Variants in TPT1 observed in about 807,000 individuals in gnomAD.
TPT1 encodes the protein translationally-controlled tumor protein.
Under a neutral mutation model 22.8 loss-of-function variants are expected in TPT1, and 5 were observed. The observed-to-expected ratio is 0.22, with a 90% CI of 0.11 to 0.46. TPT1 has a LOEUF of 0.46. Ranked by LOEUF, TPT1 falls within the 20% of genes least tolerant of loss-of-function variation. The probability of loss-of-function intolerance (pLI) is 0.99; values close to 1 mark genes in which losing one functional copy is unlikely to be tolerated. For missense variants in TPT1, 130 were observed against 218.7 expected (o/e 0.59, Z 2.56); for synonymous variants, 89 against 73.6 (o/e 1.21, Z -1.07).
rs1878724948 is a variant in TPT1, at chr13:45,336,699, T to C, written c.*687A>G. The C allele has an allele frequency of 6.6e-6, 1 of 152,304 alleles. No individual in the cohort carries two copies. The highest frequency in any genetic ancestry group is 1.5e-5 in the Non-Finnish European group (1 of 68,108). The allele number at this position is 152,304 out of a possible 1,614,324, so 9.4% of individuals were successfully genotyped here. On this transcript the variant is annotated 3_prime_UTR_variant, in exon 6 of 6. Transcript: ENST00000530705. ...CTTAAATTCCATATCCCACAAGGTA[T>C]TCTTTTCCCCTCAACCATTTAAAAA...
chr13:45,339,407 C>G lies in TPT1; in HGVS notation c.399+90G>C, dbSNP rs1366664556. 8.9e-6 allele frequency: 10 copies of G among 1,124,740 alleles called. No individual in the cohort carries two copies. In the Admixed American group the frequency reaches 1.6e-4, roughly 18 times the overall value. The allele number at this position is 1,124,740 out of a possible 1,614,324, so 69.7% of individuals were successfully genotyped here. On this transcript the variant is annotated intron_variant, in intron 4 of 5. Coordinates refer to ENST00000530705, the MANE Select transcript of TPT1 (RefSeq NM_003295.4). ...AAAGCCACTTTCTACACCTGGAATA[C>G]TAGTATAGAATTGAAGATTAATCAA...
chr13:45,337,595 T>A, intron 5 of TPT1: 1 of 1,596,002 alleles, frequency 6.3e-7, no homozygotes, highest in Non-Finnish European at 8.5e-7. Context: ...GTTCAAGGTC[T>A]ATCAGTGGAT....
In TPT1 at chr13:45,341,150, G is replaced by C. The variant is rs1012449848; in HGVS notation, c.-81C>G. On this transcript the variant is annotated 5_prime_UTR_variant, in exon 1 of 6. Transcript: ENST00000530705. ...GGAGCGAGCGCGGTGCAGCCGGAGC[G>C]GCGCTCGGGGGGAGGGGGGAGCGGG... The C allele has an allele frequency of 4.4e-6, 7 of 1,574,896 alleles. No homozygotes were observed. The East Asian group carries it at 7.0e-5, about 16-fold the overall frequency.
intron 2 of TPT1, 42 bp from the exon 3 acceptor site, chr13:45,340,226 G>A (rs758699923): frequency 1.1e-5 from 18 of 1,578,068 alleles, no homozygotes; most frequent in Non-Finnish European, 1.3e-5. Context: ...AGACACAAAC[G>A]CATCCAAAGC....
At position 45,340,121 on chromosome 13, in the gene TPT1, C is replaced by T. The variant is rs1319419194; in HGVS notation, c.166G>A (p.Gly56Ser). The T allele has an allele frequency of 6.2e-7, 1 of 1,614,178 alleles. No individual in the cohort carries two copies. The highest frequency in any genetic ancestry group is 1.1e-5 in the South Asian group (1 of 91,080). Residue 56 changes from glycine (G) to serine (S), a missense_variant, in exon 3 of 6, where the codon GGC becomes AGC. By Grantham distance (56) the Gly-to-Ser change is moderately conservative (BLOSUM62 0). Coordinates refer to ENST00000530705, the MANE Select transcript of TPT1 (RefSeq NM_003295.4). ...CTTTCGGTACCTTCGCCCTCGGGGC[C>T]TTCAGCGGAGGCATTTCCACCAATG... Reference protein sequence around the residue: ...SLIGGNASAEGPEGEGTESTV... With the variant: ...SLIGGNASAESPEGEGTESTV...
rs890403673 is a variant in TPT1 at position 45,340,802 on chromosome 13, G to A, written c.29-17C>T. ...TCTCATCGTCTGCCGGATACACAGA[G>A]CCGCCCATCACCGTGCGCCTGGCGC... On this transcript the variant is annotated splice_polypyrimidine_tract_variant and intron_variant, in intron 1 of 5. Coordinates refer to ENST00000530705, the MANE Select transcript of TPT1 (RefSeq NM_003295.4). The A allele has an allele frequency of 4.0e-6, 6 of 1,513,576 alleles. No individual in the cohort carries two copies. The highest frequency in any genetic ancestry group is 2.8e-5 in the African/African-American group (2 of 71,476). 93.8% of individuals were successfully genotyped at this position (1,513,576 alleles called of 1,614,324 possible).
Position 45,340,129 on chromosome 13 carries a change from G to A in TPT1, c.158C>T (p.Ser53Phe). The A allele has an allele frequency of 6.2e-7, 1 of 1,614,140 alleles. No individual in the cohort carries two copies. The highest frequency in any genetic ancestry group is 8.5e-7 in the Non-Finnish European group (1 of 1,179,996). ...ACCTTCGCCCTCGGGGCCTTCAGCG[G>A]AGGCATTTCCACCAATGAGCGAGTC... is the stretch of plus-strand genomic sequence containing the variant. Reference protein sequence around the residue: ...IDDSLIGGNASAEGPEGEGTE... With the variant: ...IDDSLIGGNAFAEGPEGEGTE... Residue 53 changes from serine (S) to phenylalanine (F), a missense_variant, in exon 3 of 6, where the codon TCC becomes TTC. Coordinates refer to ENST00000530705, the MANE Select transcript of TPT1 (RefSeq NM_003295.4).
rs540202893 is a variant in TPT1, at chr13:45,340,883, A to C, written c.29-98T>G. On this transcript the variant is annotated intron_variant, in intron 1 of 5. Transcript: ENST00000530705. Reference sequence around the variant, plus strand: ...CCGCACGCGGGATCTGCCCCTCCGTAGCACACCAGAGCTGGGCGCGAGCCC... The same window carrying C: ...CCGCACGCGGGATCTGCCCCTCCGTCGCACACCAGAGCTGGGCGCGAGCCC... 2.0e-5 allele frequency: 29 copies of C among 1,462,080 alleles called. No homozygotes were observed. The African/African-American group carries it at 2.2e-4, about 11-fold the overall frequency. The allele number at this position is 1,462,080 out of a possible 1,614,324, so 90.6% of individuals were successfully genotyped here. A position where few individuals can be genotyped will look rare whatever the true frequency, so the allele number is the denominator to read the frequency against.
Position 45,339,574 on chromosome 13 carries a change from GTC to G in TPT1, c.320_321del (p.Arg107ThrfsTer21). On this transcript the variant is annotated frameshift_variant, in exon 4 of 6. Coordinates refer to ENST00000530705, the MANE Select transcript of TPT1 (RefSeq NM_003295.4). LOFTEE classifies it high-confidence loss of function. ...GTCATAAAAGGTTTTACTCTTTCTG[GTC>G]TCTGTTCTTCAAGTTTCCCTTTGAT... ...KSIKGKLEEQ[R>X]PERVKPFMTG... is the part of the protein sequence containing the mutation. The G allele has an allele frequency of 6.2e-7, 1 of 1,613,268 alleles. No homozygotes were observed. Among genetic ancestry groups the G allele is most frequent in the Non-Finnish European group, 8.5e-7 (1 of 1,179,776 alleles).
chr13:45,340,035 T>C lies in TPT1; in HGVS notation c.252A>G (p.Thr84=), dbSNP rs755266569. 2.5e-6 allele frequency: 4 copies of C among 1,614,200 alleles called. No individual in the cohort carries two copies. Among genetic ancestry groups the C allele is most frequent in the Non-Finnish European group, 2.5e-6 (3 of 1,180,036 alleles). ...TGATGTACTTCTTGTAGGCTTCTTT[T>C]GTGAAACTTGTTTCCTGCAGGTGAT... is the stretch of plus-strand genomic sequence containing the variant. ...MNHHLQETSF[T]KEAYKKYIKD... Residue 84 remains threonine, a synonymous_variant, in exon 3 of 6, where the codon ACA becomes ACG. Transcript: ENST00000530705.
intron 5 of TPT1, chr13:45,338,285 A>C (rs907332826): frequency 5.0e-5 from 11 of 218,522 alleles, no homozygotes; most frequent in Non-Finnish European, 9.9e-5. Context: ...ATGCCTGGCT[A>C]ATTTTTGTAT....
intron 5 of TPT1, 192 bp from the exon 6 acceptor site, chr13:45,337,580 A>T: frequency 6.2e-7 from 1 of 1,605,762 alleles, no homozygotes; most frequent in East Asian, 2.2e-5. Flanking sequence ...GAACAACAGT[A>T]AATTGTTCAA....
chr13:45,340,925 C>T, intron 1 of TPT1, 117 bp downstream of exon 1: 6 of 1,523,014 alleles, frequency 3.9e-6, no homozygotes, highest in East Asian at 2.5e-5. Flanking sequence ...CCGACCCCTC[C>T]GCGCTCGGCT....
rs1878680957 is a variant in TPT1 at position 45,336,218 on chromosome 13, AGCACAGGAT to A, written c.*1159_*1167del. The A allele has an allele frequency of 1.3e-5, 2 of 152,362 alleles. No homozygotes were observed. The highest frequency in any genetic ancestry group is 2.1e-4 in the South Asian group (1 of 4,828). The allele number at this position is 152,362 out of a possible 1,614,324, so 9.4% of individuals were successfully genotyped here. ...GAGACTGAGGTGGGAAAATGGCTTGAGCACAGGATGCAGAGAATGCAGTGAGTTGCTTGT... is the reference window on the plus strand; with the variant it reads ...GAGACTGAGGTGGGAAAATGGCTTGAGCAGAGAATGCAGTGAGTTGCTTGT... On this transcript the variant is annotated 3_prime_UTR_variant, in exon 6 of 6. Coordinates refer to ENST00000530705, the MANE Select transcript of TPT1 (RefSeq NM_003295.4).
At chr13:45,337,508 G>A (rs771758941) in intron 5 of TPT1, 120 bp from the exon 6 acceptor site, 14 of 1,613,728 alleles carry the variant, frequency 8.7e-6, no homozygotes, top group Non-Finnish European at 1.1e-5. Flanking sequence ...AATCTGGGCC[G>A]CCACAAAGAC....
intron 5 of TPT1, 146 bp downstream of exon 5, chr13:45,338,512 AAC>A (rs1459131485): frequency 7.1e-7 from 1 of 1,414,912 alleles, no homozygotes; most frequent in South Asian, 1.6e-5. Context: ...TTACATATGA[AAC>A]ACAATTCTCT....
chr13:45,339,216 C>T (rs1195813179), intron 4 of TPT1: 6 of 367,204 alleles, frequency 1.6e-5, no homozygotes, highest in Non-Finnish European at 2.4e-5. Flanking sequence ...AGCTCAGATA[C>T]ATTAGAAGGA....
chr13:45,335,942 A>G lies in TPT1; in HGVS notation c.*1444T>C, dbSNP rs1301485709. On this transcript the variant is annotated 3_prime_UTR_variant, in exon 6 of 6. Coordinates refer to ENST00000530705, the MANE Select transcript of TPT1 (RefSeq NM_003295.4). Reference sequence around the variant, plus strand: ...CCACTACATTCACATGTTCAAGCAGACCAGAGTCACTGGCCTGCTTTTAAT... The same window carrying G: ...CCACTACATTCACATGTTCAAGCAGGCCAGAGTCACTGGCCTGCTTTTAAT... The G allele has an allele frequency of 6.6e-6, 1 of 152,190 alleles. No individual in the cohort carries two copies. The highest frequency in any genetic ancestry group is 6.5e-5 in the Admixed American group (1 of 15,280). 9.4% of individuals were successfully genotyped at this position (152,190 alleles called of 1,614,324 possible).
rs914700670 is a variant in TPT1, at chr13:45,336,755, A to G, written c.*631T>C. 4.6e-5 allele frequency: 7 copies of G among 152,702 alleles called. No homozygotes were observed. Among genetic ancestry groups the G allele is most frequent in the African/African-American group, 1.7e-4 (7 of 41,468 alleles). The allele number at this position is 152,702 out of a possible 1,614,324, so 9.5% of individuals were successfully genotyped here. On this transcript the variant is annotated 3_prime_UTR_variant, in exon 6 of 6. Transcript: ENST00000530705. ...CCAACCACCTTAAAGTGTACAAAACAGGTGGTCAGATAGGCTAGTTTGCCA... is the reference window on the plus strand; with the variant it reads ...CCAACCACCTTAAAGTGTACAAAACGGGTGGTCAGATAGGCTAGTTTGCCA...
Sources: gnomAD v4.1 joint callset for allele counts on GRCh38, gnomAD v4.1.1 for gene constraint, MANE v1.5 for transcripts, NCBI Gene and HGNC (gene_info 2026-07-23, HGNC 2026-07-21) for gene names.